Variants in PIWIL1 observed in about 807,000 individuals in gnomAD.
PIWIL1 encodes piwi like RNA-mediated gene silencing 1.
Under a neutral mutation model 114.4 loss-of-function variants are expected in PIWIL1, and 73 were observed. That is an observed-to-expected ratio of 0.64 (90% CI 0.53 to 0.78). The LOEUF (loss-of-function observed/expected upper bound fraction) is 0.78, where lower values mean the gene tolerates loss of function less well. Ranked by LOEUF, PIWIL1 falls within the 30% of genes least tolerant of loss-of-function variation. The probability of loss-of-function intolerance (pLI) is 0.00; values close to 1 mark genes in which losing one functional copy is unlikely to be tolerated. For synonymous variants in PIWIL1, 375 were observed against 369.0 expected, an observed-to-expected ratio of 1.02 and a Z score of -0.19; for missense variants, 723 against 1,063.1, an observed-to-expected ratio of 0.68 and a Z score of 4.45.
chr12:130,400,536 C>G, the PIWIL1 span, among the ~76,000 whole-genome samples: 1 of 152,306 alleles, frequency 6.6e-6, no homozygotes, highest in African/African-American at 2.4e-5. Flanking sequence ...CTTCCCCAAA[C>G]TCATCTGCCC....
At chr12:130,345,419 G>GA (rs757084225) in intron 3 of PIWIL1, 10 of 184,500 alleles carry the variant, frequency 5.4e-5, no homozygotes, top group Non-Finnish European at 1.0e-4. Flanking sequence ...TTACAATACA[G>GA]AAAAATAATT....
At chr12:130,368,379 G>C (rs1257761993) in intron 19 of PIWIL1, among the ~76,000 whole-genome samples, 1 of 152,100 alleles carries the variant, frequency 6.6e-6, no homozygotes, top group Non-Finnish European at 1.5e-5. Context: ...ATACTATAGC[G>C]ACTTTAGGTG....
chr12:130,405,523 C>T, the PIWIL1 span, among the ~76,000 whole-genome samples: 6 of 152,180 alleles, frequency 3.9e-5, no homozygotes, highest in Admixed American at 2.6e-4. Context: ...GGGGCAGCTA[C>T]TTGTAAAGAT....
At chr12:130,396,503 T>G in the PIWIL1 span, 9 of 152,644 alleles carry the variant, frequency 5.9e-5, no homozygotes, top group African/African-American at 2.2e-4. Context: ...GGAGCAGATT[T>G]AAATTGAGTC....
the PIWIL1 span, among the ~76,000 whole-genome samples, chr12:130,389,343 G>T: frequency 6.6e-6 from 1 of 151,734 alleles, no homozygotes; most frequent in Non-Finnish European, 1.5e-5. Flanking sequence ...TTTATTTTTT[G>T]GAAGGGTTTA....
chr12:130,360,491 G>A (rs553464568), intron 14 of PIWIL1, among the ~76,000 whole-genome samples: 143 of 152,264 alleles, frequency 9.4e-4, no homozygotes, highest in South Asian at 2.5e-3. Flanking sequence ...AAATTAGCCA[G>A]GCATGGTGGT....
rs887857252 is a variant in PIWIL1, at chr12:130,367,406, CAT to C, written c.2321+150_2321+151del. The C allele has an allele frequency of 1.0e-5, 8 of 765,662 alleles. No homozygotes were observed. The African/African-American group carries it at 1.2e-4, about 12-fold the overall frequency. The allele number at this position is 765,662 out of a possible 1,614,324, so 47.4% of individuals were successfully genotyped here. On this transcript the variant is annotated intron_variant, in intron 19 of 20. Transcript: ENST00000245255. ...AATTTTTTCAACTAATTTGGTCAAA[CAT>C]AATTAATAAAGCCCATGGTTTCCTG...
chr12:130,355,675 A>G lies in PIWIL1; in HGVS notation c.1404+8A>G, dbSNP rs1817051508. The G allele has an allele frequency of 1.3e-6, 2 of 1,572,892 alleles. No individual in the cohort carries two copies. Among genetic ancestry groups the G allele is most frequent in the Admixed American group, 1.7e-5 (1 of 59,960 alleles). ...CACCAAGGTGGAAAAACAGTAAGGC[A>G]GTTTTTCGTTGGTGTTGTTGTTGTT... is the stretch of plus-strand genomic sequence containing the variant. On this transcript the variant is annotated splice_region_variant and intron_variant, in intron 12 of 20. Coordinates refer to ENST00000245255, the MANE Select transcript of PIWIL1 (RefSeq NM_004764.5).
chr12:130,385,761 G>A, the PIWIL1 span, among the ~76,000 whole-genome samples: 1 of 152,046 alleles, frequency 6.6e-6, no homozygotes, highest in African/African-American at 2.4e-5. Flanking sequence ...TCTGTGGCTC[G>A]GGGCTTTCTG....
chr12:130,392,375 C>A, the PIWIL1 span, among the ~76,000 whole-genome samples: 24 of 49,012 alleles, frequency 4.9e-4, no homozygotes, highest in African/African-American at 3.4e-3. Context: ...ACCGTCATCA[C>A]ATGTGTCCGT....
At chr12:130,392,129 C>T in the PIWIL1 span, among the ~76,000 whole-genome samples, 1,636 of 111,490 alleles carry the variant, frequency 0.015, 25 homozygotes, top group African/African-American at 0.064. Context: ...ACCCGGTCAC[C>T]GTCATCACGT....
the PIWIL1 span, among the ~76,000 whole-genome samples, chr12:130,395,196 G>T: frequency 1.3e-5 from 2 of 152,184 alleles, no homozygotes; most frequent in Admixed American, 6.5e-5. Flanking sequence ...AGACTAACCT[G>T]TGAAGACAGA....
At chr12:130,368,894 T>C (rs1043711989) in intron 19 of PIWIL1, among the ~76,000 whole-genome samples, 1 of 151,990 alleles carries the variant, frequency 6.6e-6, no homozygotes, top group Admixed American at 6.6e-5. Flanking sequence ...TTTTTTTTTT[T>C]AGTTTCATTT....
At position 130,371,530 on chromosome 12, in the gene PIWIL1, T is replaced by C. The variant is rs1027207417; in HGVS notation, c.2518T>C (p.Phe840Leu). The change falls in exon 21 of 21, where the codon TTT becomes CTT. Residue 840 changes from phenylalanine to leucine, a missense_variant. Around this residue, in one of 8 missense-constraint regions of PIWIL1, gnomAD observed 106 missense variants for 182.8 expected, o/e 0.58. Transcript: ENST00000245255. ...APCQYAHKLA[F>L]LVGQSIHREP... Reference sequence around the variant, plus strand: ...TTGCCAGTACGCCCACAAGCTGGCTTTTCTTGTTGGCCAGAGTATTCACAG... The same window carrying C: ...TTGCCAGTACGCCCACAAGCTGGCTCTTCTTGTTGGCCAGAGTATTCACAG... 6.2e-7 allele frequency: 1 copy of C among 1,614,088 alleles called. No individual in the cohort carries two copies. Among genetic ancestry groups the C allele is most frequent in the Non-Finnish European group, 8.5e-7 (1 of 1,180,036 alleles).
chr12:130,397,256 AG>A, the PIWIL1 span: 6 of 395,180 alleles, frequency 1.5e-5, no homozygotes, highest in African/African-American at 1.2e-4. Flanking sequence ...TACTGGTGTC[AG>A]GGGAGAAGAT....
the PIWIL1 span, among the ~76,000 whole-genome samples, chr12:130,381,022 C>A: frequency 2.0e-5 from 3 of 152,028 alleles, no homozygotes; most frequent in African/African-American, 7.2e-5. Flanking sequence ...TTCCCCTCAC[C>A]CACACAGGCC....
chr12:130,346,201 T>G (rs1228869843), intron 4 of PIWIL1, among the ~76,000 whole-genome samples, 169 bp from the exon 5 acceptor site: 2 of 152,216 alleles, frequency 1.3e-5, no homozygotes, highest in Non-Finnish European at 2.9e-5. Flanking sequence ...GAAATTCACC[T>G]AAAGAGAGAG....
chr12:130,408,988 C>T, the PIWIL1 span, among the ~76,000 whole-genome samples: 1 of 149,480 alleles, frequency 6.7e-6, no homozygotes, highest in African/African-American at 2.4e-5. Flanking sequence ...CACATGTGTC[C>T]TCTGCAGGAC....
chr12:130,395,309 A>G, the PIWIL1 span, among the ~76,000 whole-genome samples: 1 of 152,208 alleles, frequency 6.6e-6, no homozygotes, highest in East Asian at 1.9e-4. Flanking sequence ...TCATCACCAG[A>G]AAAGGGAGAT....
Sources: gnomAD v4.1 joint callset for allele counts (sites outside exome capture counted in the v4.1 genomes callset) on GRCh38, gnomAD v4.1.1 for gene constraint, gnomAD v4.1.1 regional missense constraint, MANE v1.5 for transcripts, NCBI Gene and HGNC (gene_info 2026-07-23, HGNC 2026-07-21) for gene names.